The following SGPP2 variants were observed in gnomAD, a reference collection of about 807,000 sequenced individuals.
SGPP2 encodes the protein sphingosine 1-phosphate phosphohydrolase 2.
A neutral mutation model predicts 33.9 loss-of-function variants in SGPP2; 30 were observed. The ratio of observed to expected loss-of-function variants is 0.89; its 90% CI spans 0.66 to 1.20. The LOEUF (loss-of-function observed/expected upper bound fraction) is 1.20, where lower values mean the gene tolerates loss of function less well. Ranked by LOEUF, SGPP2 falls within the 50% of genes most tolerant of loss-of-function variation. The pLI, the probability that SGPP2 is intolerant of heterozygous loss-of-function variation, is 0.00. For missense variants in SGPP2, 458 were observed against 532.1 expected (o/e 0.86, Z 1.37); for synonymous variants, 233 against 225.0 (o/e 1.04, Z -0.32).
At chr2:222,486,525 C>A (rs1698111364) in intron 2 of SGPP2, among the ~76,000 whole-genome samples, 1 of 152,156 alleles carries the variant, frequency 6.6e-6, no homozygotes, top group African/African-American at 2.4e-5. Flanking sequence ...TTGGCTATTC[C>A]TTCAGTGAGT....
At chr2:222,491,143 ATT>A (rs939188461) in intron 2 of SGPP2, among the ~76,000 whole-genome samples, 2 of 105,490 alleles carry the variant, frequency 1.9e-5, no homozygotes, top group Non-Finnish European at 4.3e-5. Context: ...CCAAATATAT[ATT>A]TTTTTTTGAA....
intron 4 of SGPP2, among the ~76,000 whole-genome samples, chr2:222,544,736 G>GC (rs1689148005): frequency 6.6e-6 from 1 of 152,120 alleles, no homozygotes; most frequent in South Asian, 2.1e-4. Context: ...GATATGGAGG[G>GC]CCAACTATAA....
chr2:222,444,229 T>C (rs931922477), intron 1 of SGPP2, among the ~76,000 whole-genome samples: 6 of 152,212 alleles, frequency 3.9e-5, no homozygotes, highest in Admixed American at 6.5e-5. Context: ...GGGTAGACTC[T>C]AGTTTGAGCT....
intron 2 of SGPP2, among the ~76,000 whole-genome samples, chr2:222,482,905 G>A (rs76529984): frequency 5.3e-5 from 8 of 152,322 alleles, no homozygotes; most frequent in Non-Finnish European, 1.0e-4. Context: ...AAGGAACTTG[G>A]AGATTCTGCC....
At chr2:222,512,480 A>G (rs1698544416) in intron 2 of SGPP2, among the ~76,000 whole-genome samples, 1 of 152,164 alleles carries the variant, frequency 6.6e-6, no homozygotes, top group Admixed American at 6.5e-5. Flanking sequence ...ACATTGACAT[A>G]TCATTATTTC....
intron 1 of SGPP2, among the ~76,000 whole-genome samples, chr2:222,441,181 G>A (rs546131340): frequency 1.3e-5 from 2 of 152,322 alleles, no homozygotes; most frequent in South Asian, 4.1e-4. Flanking sequence ...GGCTTTGGCA[G>A]GGAGGCTGAC....
intron 4 of SGPP2, among the ~76,000 whole-genome samples, chr2:222,533,175 G>A (rs1010611489): frequency 2.6e-5 from 4 of 152,206 alleles, no homozygotes; most frequent in African/African-American, 4.8e-5. Context: ...TGGAAGGACT[G>A]GGGTAGCTTG....
chr2:222,457,174 A>T (rs1006228161), intron 1 of SGPP2, among the ~76,000 whole-genome samples: 4 of 152,008 alleles, frequency 2.6e-5, no homozygotes, highest in East Asian at 3.9e-4. Flanking sequence ...TGGTTTTTTT[A>T]ATTGTTCATT....
intron 2 of SGPP2, among the ~76,000 whole-genome samples, chr2:222,491,615 A>G (rs1330368888): frequency 6.6e-6 from 1 of 152,188 alleles, no homozygotes; most frequent in African/African-American, 2.4e-5. Flanking sequence ...CCTTCCCTCA[A>G]CAGGTGCAGA....
At chr2:222,464,867 C>T (rs1199164212) in intron 1 of SGPP2, among the ~76,000 whole-genome samples, 1 of 152,168 alleles carries the variant, frequency 6.6e-6, no homozygotes, top group Non-Finnish European at 1.5e-5. Flanking sequence ...GCATTGTTGC[C>T]ACCATGGGTC....
intron 2 of SGPP2, among the ~76,000 whole-genome samples, chr2:222,510,543 C>T (rs1365462838): frequency 1.3e-5 from 2 of 152,154 alleles, no homozygotes; most frequent in Admixed American, 6.5e-5. Context: ...GTTAACAGCA[C>T]ATCACTTTTG....
chr2:222,544,886 G>C (rs1689157988), intron 4 of SGPP2, among the ~76,000 whole-genome samples: 1 of 151,944 alleles, frequency 6.6e-6, no homozygotes, highest in Non-Finnish European at 1.5e-5. Flanking sequence ...ATGGACAAGG[G>C]GCTCTGAAAT....
At position 222,424,747 on chromosome 2, in the gene SGPP2, G is replaced by A. The variant is rs575195336; in HGVS notation, c.145G>A (p.Glu49Lys). The A allele has an allele frequency of 9.2e-5, 130 of 1,420,360 alleles. No homozygotes were observed. The African/African-American group carries it at 1.6e-3, about 18-fold the overall frequency. The allele number at this position is 1,420,360 out of a possible 1,614,324, so 88.0% of individuals were successfully genotyped here. ...GCGCGCGGCGCGGGTCCCCGGGGTC[G>A]AGCATCTCCCCGCAGCCAACGGCAA... is the stretch of plus-strand genomic sequence containing the variant. The part of the protein sequence containing the change: ...TERAARVPGV[E>K]HLPAANGKGG... Residue 49 changes from glutamate (E) to lysine (K), a missense_variant, in exon 1 of 5, where the codon GAG becomes AAG. Transcript: ENST00000321276.
intron 1 of SGPP2, among the ~76,000 whole-genome samples, chr2:222,442,001 G>A (rs373524322): frequency 6.6e-6 from 1 of 152,274 alleles, no homozygotes; most frequent in East Asian, 1.9e-4. Flanking sequence ...ATCTTTTCCT[G>A]TTCTGTCCAA....
chr2:222,482,252 G>A (rs1390592990), intron 2 of SGPP2, among the ~76,000 whole-genome samples: 1 of 152,164 alleles, frequency 6.6e-6, no homozygotes, highest in Non-Finnish European at 1.5e-5. Context: ...TAAAGTGATG[G>A]AAAATCTAAG....
At position 222,424,835 on chromosome 2, in the gene SGPP2, G is replaced by C; in HGVS notation, c.219+14G>C. 3.0e-6 allele frequency: 4 copies of C among 1,335,316 alleles called. No individual in the cohort carries two copies. Among genetic ancestry groups the C allele is most frequent in the Non-Finnish European group, 3.8e-6 (4 of 1,045,428 alleles). 82.7% of individuals were successfully genotyped at this position (1,335,316 alleles called of 1,614,324 possible). A position where few individuals can be genotyped will look rare whatever the true frequency, so the allele number is the denominator to read the frequency against. On this transcript the variant is annotated intron_variant, in intron 1 of 4. Coordinates refer to ENST00000321276, the MANE Select transcript of SGPP2 (RefSeq NM_152386.4). ...GCGGCGCCGGAGGTAACCATGGGCA[G>C]GTGTTCGCCGGGTACGGGGAGGGGG...
chr2:222,528,481 T>C (rs1360881107), intron 4 of SGPP2, among the ~76,000 whole-genome samples: 21 of 152,236 alleles, frequency 1.4e-4, no homozygotes, highest in Admixed American at 1.4e-3. Context: ...AATAATTTAC[T>C]GCTAAAAAAT....
At chr2:222,444,429 T>C in intron 1 of SGPP2, among the ~76,000 whole-genome samples, 1 of 152,212 alleles carries the variant, frequency 6.6e-6, no homozygotes, top group Admixed American at 6.5e-5. Flanking sequence ...TGGAAATTTT[T>C]AGAGAGTTTC....
chr2:222,456,825 A>C (rs976844310), intron 1 of SGPP2, among the ~76,000 whole-genome samples: 6 of 152,210 alleles, frequency 3.9e-5, no homozygotes, highest in Non-Finnish European at 8.8e-5. Flanking sequence ...CCAAAGCAGA[A>C]TATTTTAAGA....
Sources: allele counts gnomAD v4.1 joint callset (sites outside exome capture counted in the v4.1 genomes callset), GRCh38; gene constraint gnomAD v4.1.1; transcripts MANE v1.5; gene names NCBI Gene and HGNC (gene_info 2026-07-23, HGNC 2026-07-21).